CDH4: variants seen among roughly 807,000 people sequenced by gnomAD.
CDH4 encodes cadherin 4, also known as cadherin-4.
Under a neutral mutation model 86.0 loss-of-function variants are expected in CDH4, and 33 were observed. The observed-to-expected ratio is 0.38, with a 90% CI of 0.29 to 0.51. The LOEUF (loss-of-function observed/expected upper bound fraction) is 0.51. CDH4 is among the 20% of genes least tolerant of loss of function. CDH4 has a pLI of 0.86. For synonymous variants in CDH4, 555 were observed against 549.4 expected (o/e 1.01, Z -0.14); for missense variants, 1,114 against 1,307.4 (o/e 0.85, Z 2.28).
At chr20:61,380,339 A>T (rs1181799294) in intron 2 of CDH4, among the ~76,000 whole-genome samples, 1 of 152,222 alleles carries the variant, frequency 6.6e-6, no homozygotes, top group Non-Finnish European at 1.5e-5. Flanking sequence ...CACCATTTGC[A>T]GATGAATCAC....
At chr20:61,418,837 AC>A (rs1310639761) in intron 2 of CDH4, among the ~76,000 whole-genome samples, 2 of 151,848 alleles carry the variant, frequency 1.3e-5, no homozygotes, top group African/African-American at 4.8e-5. Context: ...ATATGGCAGC[AC>A]CCCCACACCC....
At chr20:61,276,819 A>AG (rs1410994233) in intron 2 of CDH4, among the ~76,000 whole-genome samples, 1 of 152,074 alleles carries the variant, frequency 6.6e-6, no homozygotes, top group East Asian at 1.9e-4. Flanking sequence ...AATGGATCAC[A>AG]TTGTTCATTG....
chr20:61,288,214 C>CT (rs1212917207), intron 2 of CDH4, among the ~76,000 whole-genome samples: 1 of 152,082 alleles, frequency 6.6e-6, no homozygotes, highest in African/African-American at 2.4e-5. Context: ...AAAAAAATCC[C>CT]TTTTCATGGG....
rs2085697590 is a variant in CDH4 at position 61,501,100 on chromosome 20, C to A, written c.170-242463C>A. ...CGGTTCATGATTTCCAAGGTCTTCTCTGGTTAAGACCAGAAACATGTTTCT... is the reference window on the plus strand; with the variant it reads ...CGGTTCATGATTTCCAAGGTCTTCTATGGTTAAGACCAGAAACATGTTTCT... On this transcript the variant is annotated intron_variant, in intron 2 of 15. Transcript: ENST00000614565. The surrounding 1 kb of genome is among the most constrained non-coding windows in gnomAD (Gnocchi z 4.2). Among the ~76,000 whole-genome samples the A allele has an allele frequency of 6.6e-6, 1 of 152,306 alleles. No individual in the cohort carries two copies. The highest frequency in any genetic ancestry group is 1.5e-5 in the Non-Finnish European group (1 of 68,028).
chr20:61,330,726 C>T (rs934638104), intron 2 of CDH4, among the ~76,000 whole-genome samples: 1 of 152,194 alleles, frequency 6.6e-6, no homozygotes, highest in Non-Finnish European at 1.5e-5. Context: ...TCGCTTTTCT[C>T]ACGTGAGATT....
chr20:61,496,396 T>C (rs1211746793), intron 2 of CDH4, among the ~76,000 whole-genome samples: 2 of 135,208 alleles, frequency 1.5e-5, no homozygotes, highest in African/African-American at 4.9e-5. Flanking sequence ...AGCAATACCC[T>C]GTCTCAAAAA....
rs2087366881 is a variant in CDH4, at chr20:61,669,796, TGA to T, written c.170-73762_170-73761del. Among the ~76,000 whole-genome samples the T allele has an allele frequency of 2.6e-5, 4 of 152,334 alleles. 1 individual carries two copies. The highest frequency in any genetic ancestry group is 9.6e-5 in the African/African-American group (4 of 41,576). On this transcript the variant is annotated intron_variant, in intron 2 of 15. Coordinates refer to ENST00000614565, the MANE Select transcript of CDH4 (RefSeq NM_001794.5). ...AAATAACTTCTGACAGCTGTATTTT[TGA>T]GAGACTGATCCAGGATGGGATGTGA...
Position 61,383,397 on chromosome 20 carries a change from T to C in CDH4, c.169+128460T>C, listed in dbSNP as rs1312004476. Among the ~76,000 whole-genome samples, 5 of 100,210 alleles carry C rather than the reference T, an allele frequency of 5.0e-5. 1 individual carries two copies. The highest frequency in any genetic ancestry group is 2.4e-4 in the African/African-American group (5 of 21,222). The allele number at this position is 100,210 out of a possible 152,430, so 65.7% of individuals were successfully genotyped here. ...TATATGGATATATATGAATATATGA[T>C]ATATATGAATATATATGATATATAT... On this transcript the variant is annotated intron_variant, in intron 2 of 15. Coordinates refer to ENST00000614565, the MANE Select transcript of CDH4 (RefSeq NM_001794.5).
intron 2 of CDH4, among the ~76,000 whole-genome samples, chr20:61,688,799 A>G (rs2087618726): frequency 6.6e-6 from 1 of 152,250 alleles, no homozygotes; most frequent in Non-Finnish European, 1.5e-5. Context: ...TTCTGATAAC[A>G]CAAGTAACAT....
At chr20:61,859,155 A>G (rs559408665) in intron 6 of CDH4, among the ~76,000 whole-genome samples, 3 of 150,092 alleles carry the variant, frequency 2.0e-5, no homozygotes, top group Non-Finnish European at 3.0e-5. Flanking sequence ...CCTCTGGCAA[A>G]TGGTGCTGAG....
At chr20:61,326,972 G>C (rs1020488728) in intron 2 of CDH4, among the ~76,000 whole-genome samples, 1 of 152,100 alleles carries the variant, frequency 6.6e-6, no homozygotes, top group Non-Finnish European at 1.5e-5. Flanking sequence ...CTGCTTGTCA[G>C]GTGCATTTTT....
intron 2 of CDH4, among the ~76,000 whole-genome samples, chr20:61,382,742 G>A (rs2084911144): frequency 6.6e-6 from 1 of 152,038 alleles, no homozygotes; most frequent in Non-Finnish European, 1.5e-5. Context: ...TTCTCCTCGG[G>A]TGCACCTCCA....
At chr20:61,672,921 T>C (rs559298890) in intron 2 of CDH4, among the ~76,000 whole-genome samples, 8 of 152,084 alleles carry the variant, frequency 5.3e-5, no homozygotes, top group Admixed American at 4.6e-4. Context: ...TCCTGAGTTA[T>C]CCAGTGGGTC....
chr20:61,841,097 T>A (rs1280038874), intron 4 of CDH4, among the ~76,000 whole-genome samples: 4 of 152,202 alleles, frequency 2.6e-5, no homozygotes, highest in Non-Finnish European at 5.9e-5. Context: ...GCAGACCCCG[T>A]CCCTGGCGCC....
chr20:61,654,026 G>A (rs113115510), intron 2 of CDH4, among the ~76,000 whole-genome samples: 5 of 151,866 alleles, frequency 3.3e-5, no homozygotes, highest in African/African-American at 4.8e-5. Context: ...ACAGGGTGGC[G>A]GCCGGGCAGA....
At chr20:61,557,677 C>A (rs1035085414) in intron 2 of CDH4, among the ~76,000 whole-genome samples, 11 of 152,174 alleles carry the variant, frequency 7.2e-5, no homozygotes, top group Non-Finnish European at 1.6e-4. Flanking sequence ...GGAATGGCCA[C>A]ACTTTTGGGA....
chr20:61,715,109 A>T (rs2087939194), intron 2 of CDH4, among the ~76,000 whole-genome samples: 1 of 152,204 alleles, frequency 6.6e-6, no homozygotes, highest in South Asian at 2.1e-4. Flanking sequence ...CATTCTGTCT[A>T]GGGAAAGGTA....
intron 3 of CDH4, among the ~76,000 whole-genome samples, chr20:61,755,773 T>C (rs922291337): frequency 1.4e-5 from 2 of 140,354 alleles, no homozygotes; most frequent in African/African-American, 5.4e-5. Flanking sequence ...ACTACACACA[T>C]ATACACACCA....
intron 2 of CDH4, among the ~76,000 whole-genome samples, chr20:61,356,562 T>C (rs891516389): frequency 1.3e-5 from 2 of 152,250 alleles, no homozygotes; most frequent in Non-Finnish European, 2.9e-5. Flanking sequence ...GCAGTTGCTT[T>C]TCTGTTTAGC....
Sources: gnomAD v4.1 joint callset for allele counts (sites outside exome capture counted in the v4.1 genomes callset) on GRCh38, gnomAD v4.1.1 for gene constraint, Gnocchi (gnomAD v3.1) non-coding constraint, MANE v1.5 for transcripts, NCBI Gene and HGNC (gene_info 2026-07-23, HGNC 2026-07-21) for gene names.